Variants in CALCR observed in about 807,000 individuals in gnomAD.
CALCR encodes the protein calcitonin receptor.
CALCR carries 47 observed loss-of-function variants against 59.5 expected under a neutral mutation model. The ratio of observed to expected loss-of-function variants is 0.79; its 90% CI spans 0.63 to 1.01. The LOEUF (loss-of-function observed/expected upper bound fraction) is 1.01, where lower values mean the gene tolerates loss of function less well. Among genes scored for constraint, CALCR ranks in the 50% least tolerant of loss-of-function variants. CALCR has a pLI of 0.00. For synonymous variants in CALCR, 213 were observed against 211.3 expected (o/e 1.01, Z -0.07); for missense variants, 566 against 597.1 (o/e 0.95, Z 0.54).
chr7:93,555,243 G>A (rs183665963), intron 2 of CALCR, among the ~76,000 whole-genome samples: 1 of 152,138 alleles, frequency 6.6e-6, no homozygotes, highest in South Asian at 2.1e-4. Flanking sequence ...AGGAGGTCAG[G>A]GTTTGATAGT....
At chr7:93,544,026 A>G (rs1021668425) in intron 2 of CALCR, among the ~76,000 whole-genome samples, 1 of 152,150 alleles carries the variant, frequency 6.6e-6, no homozygotes, top group Non-Finnish European at 1.5e-5. Flanking sequence ...AAAAAAGCAG[A>G]ATAGAAATTG....
chr7:93,560,914 T>C (rs1390745029), intron 2 of CALCR, among the ~76,000 whole-genome samples: 1 of 152,182 alleles, frequency 6.6e-6, no homozygotes, highest in East Asian at 1.9e-4. Context: ...AGTTGTAGTT[T>C]TCTCAATTGT....
intron 2 of CALCR, among the ~76,000 whole-genome samples, chr7:93,506,968 G>T (rs1247480151): frequency 6.6e-6 from 1 of 152,124 alleles, no homozygotes; most frequent in Non-Finnish European, 1.5e-5. Context: ...ATGCTCTCTT[G>T]TCTGCCACCA....
intron 8 of CALCR, among the ~76,000 whole-genome samples, chr7:93,453,861 AC>A (rs1562979662): frequency 6.6e-6 from 1 of 152,058 alleles, no homozygotes; most frequent in Non-Finnish European, 1.5e-5. Context: ...AATCCTCTAT[AC>A]TTTTCTGCAC....
chr7:93,460,580 T>TATATATATATATATATATATAC (rs1562982468), intron 8 of CALCR, among the ~76,000 whole-genome samples: 1 of 112,034 alleles, frequency 8.9e-6, no homozygotes, highest in African/African-American at 4.3e-5. Context: ...AAAATATATA[T>TATATATATATATATATATATAC]ATATATATAT....
At position 93,570,751 on chromosome 7, in the gene CALCR, G is replaced by A. The variant is rs947183784; in HGVS notation, c.-27+3538C>T. ...TAGGAAGTGCTGCCAGCTTCAATGA[G>A]GTATATGTTGCCTTGCCAACTTGTA... On this transcript the variant is annotated intron_variant, in intron 2 of 13. Coordinates refer to ENST00000426151, the MANE Select transcript of CALCR (RefSeq NM_001742.4). 4.6e-5 allele frequency among the ~76,000 whole-genome samples: 7 copies of A among 152,126 alleles called. No homozygotes were observed. In the East Asian group the frequency reaches 1.3e-3, roughly 29 times the overall value.
chr7:93,453,397 G>A (rs188394391), intron 8 of CALCR, among the ~76,000 whole-genome samples: 6 of 152,076 alleles, frequency 3.9e-5, no homozygotes, highest in Admixed American at 2.6e-4. Context: ...GTAGAAGAGC[G>A]AGGACTTAGA....
chr7:93,441,808 T>G (rs1359312155), intron 9 of CALCR, among the ~76,000 whole-genome samples: 1 of 152,070 alleles, frequency 6.6e-6, no homozygotes, highest in East Asian at 1.9e-4. Context: ...TTCTCAGTCC[T>G]TTGCTGGAGG....
chr7:93,434,395 A>AAAAT, intron 12 of CALCR, 101 bp from the exon 13 acceptor site: 1 of 717,610 alleles, frequency 1.4e-6, no homozygotes, highest in East Asian at 2.6e-5. Flanking sequence ...TGATGAAAAA[A>AAAAT]AAAAAAAGCA....
intron 2 of CALCR, among the ~76,000 whole-genome samples, chr7:93,540,506 G>C (rs544566336): frequency 9.2e-5 from 14 of 151,848 alleles, no homozygotes; most frequent in African/African-American, 3.1e-4. Context: ...TTCTTTATTT[G>C]CATTTACTTA....
chr7:93,536,626 T>C (rs1439899180), intron 2 of CALCR, among the ~76,000 whole-genome samples: 1 of 151,872 alleles, frequency 6.6e-6, no homozygotes, highest in Non-Finnish European at 1.5e-5. Context: ...ACATGTGCCA[T>C]GTTGGTGTGC....
intron 12 of CALCR, among the ~76,000 whole-genome samples, chr7:93,434,647 A>G (rs1489967055): frequency 6.6e-6 from 1 of 151,930 alleles, no homozygotes; most frequent in African/African-American, 2.4e-5. Context: ...TGCAGAATTC[A>G]GTAGAGGGAT....
intron 2 of CALCR, among the ~76,000 whole-genome samples, chr7:93,488,582 G>GAAAAAA (rs1554401502): frequency 3.7e-4 from 29 of 77,994 alleles, no homozygotes; most frequent in East Asian, 8.8e-4. Context: ...CAAATGGAAA[G>GAAAAAA]AAAAAAAAAA....
intron 3 of CALCR, 145 bp from the exon 4 acceptor site, chr7:93,479,652 A>G (rs910528504): frequency 1.2e-5 from 8 of 678,436 alleles, no homozygotes; most frequent in Non-Finnish European, 2.4e-6. Flanking sequence ...TTTTTTTCAT[A>G]TATATTACAA....
intron 2 of CALCR, among the ~76,000 whole-genome samples, chr7:93,544,091 G>A (rs1436835163): frequency 6.6e-6 from 1 of 151,932 alleles, no homozygotes; most frequent in Non-Finnish European, 1.5e-5. Flanking sequence ...CATAAATGTA[G>A]TTGGAATACA....
intron 2 of CALCR, among the ~76,000 whole-genome samples, chr7:93,555,304 G>C (rs971367352): frequency 6.6e-6 from 1 of 152,126 alleles, no homozygotes; most frequent in African/African-American, 2.4e-5. Context: ...CATCATTTCT[G>C]TGCTTGAAAA....
intron 8 of CALCR, among the ~76,000 whole-genome samples, chr7:93,447,469 A>G (rs570118056): frequency 1.3e-5 from 2 of 151,992 alleles, no homozygotes; most frequent in Non-Finnish European, 2.9e-5. Context: ...AACAAGACCA[A>G]CCTTATAATA....
intron 8 of CALCR, among the ~76,000 whole-genome samples, chr7:93,455,434 T>A (rs1800191485): frequency 1.3e-5 from 2 of 152,128 alleles, no homozygotes; most frequent in East Asian, 3.9e-4. Context: ...TTCTTCTTCT[T>A]TTTTCCCCTT....
chr7:93,490,302 T>C (rs550013825), intron 2 of CALCR, among the ~76,000 whole-genome samples: 1 of 151,972 alleles, frequency 6.6e-6, no homozygotes, highest in East Asian at 1.9e-4. Flanking sequence ...AATATCACAT[T>C]GAATGGGGAT....
Sources: gnomAD v4.1 joint callset for allele counts (sites outside exome capture counted in the v4.1 genomes callset) on GRCh38, gnomAD v4.1.1 for gene constraint, MANE v1.5 for transcripts, NCBI Gene and HGNC (gene_info 2026-07-23, HGNC 2026-07-21) for gene names.